Variants in QTMAN observed in about 807,000 individuals in gnomAD.
QTMAN encodes the protein queuosine-tRNA mannosyltransferase.
At chr2:144,112,350 G>C in the QTMAN span, among the ~76,000 whole-genome samples, 1 of 152,190 alleles carries the variant, frequency 6.6e-6, no homozygotes, top group Admixed American at 6.5e-5. Flanking sequence ...CTAATAAGTG[G>C]AGACAAGAAG....
At chr2:144,318,695 A>G in the QTMAN span, among the ~76,000 whole-genome samples, 1 of 152,224 alleles carries the variant, frequency 6.6e-6, no homozygotes. Flanking sequence ...ATTGAATAGT[A>G]TATCCTTTGA....
the QTMAN span, among the ~76,000 whole-genome samples, chr2:144,287,672 A>AAT: frequency 5.3e-5 from 8 of 152,060 alleles, no homozygotes; most frequent in Non-Finnish European, 8.8e-5. Flanking sequence ...CCTCCCAATA[A>AAT]AGCCTTATTC....
chr2:144,158,958 T>C, the QTMAN span, among the ~76,000 whole-genome samples: 1 of 152,020 alleles, frequency 6.6e-6, no homozygotes, highest in Non-Finnish European at 1.5e-5. Flanking sequence ...TAGGGTGGGG[T>C]TTTTGCATTT....
the QTMAN span, among the ~76,000 whole-genome samples, chr2:144,315,979 A>G: frequency 2.0e-5 from 3 of 152,156 alleles, no homozygotes; most frequent in Non-Finnish European, 2.9e-5. Context: ...CTATATCTCA[A>G]AAAACATAAC....
At chr2:144,252,370 C>T in the QTMAN span, among the ~76,000 whole-genome samples, 5 of 152,002 alleles carry the variant, frequency 3.3e-5, no homozygotes, top group Non-Finnish European at 7.4e-5. Context: ...AAGAGCAAGA[C>T]CCTGTGTCTT....
chr2:144,029,622 G>A, the QTMAN span, among the ~76,000 whole-genome samples: 4 of 152,124 alleles, frequency 2.6e-5, no homozygotes, highest in Admixed American at 2.6e-4. Flanking sequence ...AAGTGCAGAT[G>A]CTTGAGAACC....
At chr2:144,154,428 T>C in the QTMAN span, among the ~76,000 whole-genome samples, 22 of 152,316 alleles carry the variant, frequency 1.4e-4, no homozygotes. Flanking sequence ...TAAAGGTTTC[T>C]AGCTTACATA....
chr2:144,047,652 G>A, the QTMAN span, among the ~76,000 whole-genome samples: 2 of 152,140 alleles, frequency 1.3e-5, no homozygotes, highest in South Asian at 2.1e-4. Flanking sequence ...ACAGCAACAC[G>A]TGCAAGTGGA....
At chr2:144,019,613 G>C in the QTMAN span, among the ~76,000 whole-genome samples, 1 of 152,114 alleles carries the variant, frequency 6.6e-6, no homozygotes, top group African/African-American at 2.4e-5. Context: ...AGAATTGATA[G>C]TGATTTTACA....
chr2:144,298,496 A>G, the QTMAN span, among the ~76,000 whole-genome samples: 5 of 152,192 alleles, frequency 3.3e-5, no homozygotes, highest in African/African-American at 7.2e-5. Flanking sequence ...ACATTCCAAT[A>G]GGCTTGAAAT....
At chr2:144,093,604 A>G in the QTMAN span, among the ~76,000 whole-genome samples, 1 of 152,372 alleles carries the variant, frequency 6.6e-6, no homozygotes, top group Admixed American at 6.5e-5. Context: ...TATTTGGCTA[A>G]TTCTCAAAAT....
chr2:143,991,201 G>T, the QTMAN span, among the ~76,000 whole-genome samples: 1 of 152,140 alleles, frequency 6.6e-6, no homozygotes, highest in African/African-American at 2.4e-5. Context: ...AGATATTATG[G>T]TAAATGTTTT....
chr2:144,076,076 G>T, the QTMAN span, among the ~76,000 whole-genome samples: 5 of 152,056 alleles, frequency 3.3e-5, no homozygotes, highest in African/African-American at 1.2e-4. Context: ...GTGAAACCCC[G>T]TCTCTACTAA....
chr2:144,289,086 C>T, the QTMAN span, among the ~76,000 whole-genome samples: 7 of 139,614 alleles, frequency 5.0e-5, no homozygotes, highest in Admixed American at 2.3e-4. Context: ...CAGTCTGGAG[C>T]GCAGTGGTGC....
the QTMAN span, among the ~76,000 whole-genome samples, chr2:144,044,950 G>C: frequency 2.6e-5 from 4 of 152,202 alleles, no homozygotes; most frequent in South Asian, 2.1e-4. Context: ...CACTTGCATT[G>C]CATTTGTCAT....
At chr2:144,183,617 T>C in the QTMAN span, among the ~76,000 whole-genome samples, 5 of 152,184 alleles carry the variant, frequency 3.3e-5, no homozygotes. Flanking sequence ...CATTAAAGCA[T>C]CATACTAAAA....
the QTMAN span, among the ~76,000 whole-genome samples, chr2:144,315,663 A>G: frequency 6.6e-6 from 1 of 152,136 alleles, no homozygotes; most frequent in Admixed American, 6.5e-5. Context: ...TTCTAGGACT[A>G]TTGTACTCTT....
chr2:144,184,359 T>G, the QTMAN span, among the ~76,000 whole-genome samples: 10 of 152,260 alleles, frequency 6.6e-5, no homozygotes, highest in East Asian at 1.9e-3. Flanking sequence ...TTTAGAGAGC[T>G]TAAAAGAAAG....
the QTMAN span, among the ~76,000 whole-genome samples, chr2:144,283,056 A>T: frequency 6.6e-6 from 1 of 152,158 alleles, no homozygotes; most frequent in Admixed American, 6.5e-5. Context: ...CATCTGGCTG[A>T]TCTGGCCGTT....
Sources: gnomAD v4.1 joint callset for allele counts (sites outside exome capture counted in the v4.1 genomes callset) on GRCh38, gnomAD v4.1.1 for gene constraint, MANE v1.5 for transcripts, NCBI Gene and HGNC (gene_info 2026-07-23, HGNC 2026-07-21) for gene names.